Variants in TENM3 observed in about 807,000 individuals in gnomAD.
The protein encoded by TENM3 is teneurin-3.
In TENM3, 63 loss-of-function variants were observed where a neutral mutation model predicts 255.1. The observed-to-expected ratio is 0.25, with a 90% CI of 0.20 to 0.30. TENM3 has a LOEUF of 0.30. TENM3 is among the 10% of genes least tolerant of loss of function. The pLI is 1.00. For synonymous variants in TENM3, 1,306 were observed against 1,322.3 expected, an observed-to-expected ratio of 0.99 and a Z score of 0.27; for missense variants, 2,929 against 3,461.1, an observed-to-expected ratio of 0.85 and a Z score of 3.86.
the TENM3 span, among the ~76,000 whole-genome samples, chr4:182,118,321 T>C: frequency 8.5e-5 from 13 of 152,292 alleles, no homozygotes; most frequent in South Asian, 2.5e-3. Flanking sequence ...AGTACAATGA[T>C]GAAAAGCAGT....
the TENM3 span, among the ~76,000 whole-genome samples, chr4:181,805,595 T>TC: frequency 1.2e-4 from 8 of 65,454 alleles, no homozygotes; most frequent in Non-Finnish European, 3.1e-4. Context: ...GTGTGTGCAC[T>TC]TTTGTGTGTG....
At chr4:181,583,514 T>C in the TENM3 span, among the ~76,000 whole-genome samples, 1 of 152,202 alleles carries the variant, frequency 6.6e-6, no homozygotes, top group African/African-American at 2.4e-5. Context: ...ATATGGATTG[T>C]TCATTTAAAC....
the TENM3 span, among the ~76,000 whole-genome samples, chr4:181,767,125 G>A: frequency 7.5e-5 from 11 of 145,856 alleles, no homozygotes; most frequent in East Asian, 2.1e-4. Flanking sequence ...GGTGGCGGGC[G>A]CCTGTAGTCC....
intron 3 of TENM3, among the ~76,000 whole-genome samples, chr4:182,501,496 A>C (rs544701741): frequency 2.0e-5 from 3 of 152,152 alleles, no homozygotes; most frequent in East Asian, 3.9e-4. Context: ...GTTTTTTCAT[A>C]AATTTTTAAA....
At chr4:181,586,369 T>C in the TENM3 span, among the ~76,000 whole-genome samples, 3 of 152,114 alleles carry the variant, frequency 2.0e-5, no homozygotes, top group East Asian at 1.9e-4. Context: ...CTCTGTAAAA[T>C]AGGAATAATA....
chr4:181,592,662 C>CT, the TENM3 span, among the ~76,000 whole-genome samples: 5,766 of 130,010 alleles, frequency 0.044, 288 homozygotes, highest in African/African-American at 0.099. Flanking sequence ...GAAAATCTCT[C>CT]TTTTTTTTTT....
At chr4:181,692,673 G>C in the TENM3 span, among the ~76,000 whole-genome samples, 3 of 152,112 alleles carry the variant, frequency 2.0e-5, no homozygotes, top group African/African-American at 7.3e-5. Flanking sequence ...CATACTATGA[G>C]AGTAATACCA....
At chr4:182,346,110 A>ACAT in intron 2 of TENM3, among the ~76,000 whole-genome samples, 1 of 131,062 alleles carries the variant, frequency 7.6e-6, no homozygotes, top group African/African-American at 2.8e-5. Context: ...CATACATACA[A>ACAT]AATACTACGT....
At chr4:181,707,731 A>T in the TENM3 span, among the ~76,000 whole-genome samples, 5 of 152,210 alleles carry the variant, frequency 3.3e-5, no homozygotes, top group Non-Finnish European at 7.3e-5. Context: ...AATTATAGAT[A>T]CTATACTATG....
In TENM3 at chr4:182,714,190, A is replaced by C; in HGVS notation, c.2325A>C (p.Val775=). The C allele has an allele frequency of 6.2e-7, 1 of 1,613,922 alleles. No homozygotes were observed. Among genetic ancestry groups the C allele is most frequent in the Non-Finnish European group, 8.5e-7 (1 of 1,179,858 alleles). The change falls in exon 13 of 28, where the codon GTA becomes GTC. Residue 775 remains valine (V), a synonymous_variant. Transcript: ENST00000511685. ...GATGGAGAGGAGCAGGCTGTGACGT[A>C]GCCATGGAGACTCTTTGCACAGATA... The part of the protein sequence containing the change: ...QPGWRGAGCD[V]AMETLCTDSK...
chr4:181,818,850 G>A, the TENM3 span, among the ~76,000 whole-genome samples: 82 of 152,192 alleles, frequency 5.4e-4, no homozygotes, highest in African/African-American at 1.8e-3. Flanking sequence ...TGATCCACTC[G>A]CCTTGGCCTC....
At chr4:182,272,537 T>C (rs182946847) in intron 1 of TENM3, among the ~76,000 whole-genome samples, 1 of 152,224 alleles carries the variant, frequency 6.6e-6, no homozygotes, top group Non-Finnish European at 1.5e-5. Context: ...ACATAAGAAC[T>C]CACAAACTTT....
At chr4:182,606,533 A>G (rs2152423082) in intron 4 of TENM3, among the ~76,000 whole-genome samples, 1 of 151,572 alleles carries the variant, frequency 6.6e-6, no homozygotes, top group East Asian at 1.9e-4. Context: ...CAAAAAAAAA[A>G]AAAAAAAAAA....
chr4:182,058,714 A>G, the TENM3 span, among the ~76,000 whole-genome samples: 1 of 152,158 alleles, frequency 6.6e-6, no homozygotes, highest in Non-Finnish European at 1.5e-5. Flanking sequence ...TGATATTTTT[A>G]TCGAATTTAT....
intron 6 of TENM3, among the ~76,000 whole-genome samples, chr4:182,661,598 G>A (rs1184518953): frequency 6.6e-6 from 1 of 152,096 alleles, no homozygotes; most frequent in African/African-American, 2.4e-5. Context: ...ATTTCACTTA[G>A]CTTGTGATGT....
At chr4:182,421,108 T>C (rs1770802968) in intron 3 of TENM3, among the ~76,000 whole-genome samples, 1 of 152,200 alleles carries the variant, frequency 6.6e-6, no homozygotes, top group African/African-American at 2.4e-5. Context: ...AGATGTGACA[T>C]TTTAAAAATA....
chr4:182,196,484 C>A (rs1422758866), intron 1 of TENM3, among the ~76,000 whole-genome samples: 6 of 152,104 alleles, frequency 3.9e-5, no homozygotes, highest in Non-Finnish European at 5.9e-5. Context: ...TCTCAAGGGT[C>A]AAGGCAAGCA....
chr4:181,491,474 A>C, the TENM3 span, among the ~76,000 whole-genome samples: 4 of 152,070 alleles, frequency 2.6e-5, no homozygotes, highest in East Asian at 7.7e-4. Flanking sequence ...TTAGAAAAAA[A>C]TCTAAGACCA....
chr4:181,704,861 C>T, the TENM3 span, among the ~76,000 whole-genome samples: 10 of 152,064 alleles, frequency 6.6e-5, no homozygotes, highest in African/African-American at 2.2e-4. Context: ...GGTGAAACCC[C>T]GTCTCTACTA....
Sources: allele counts gnomAD v4.1 joint callset (sites outside exome capture counted in the v4.1 genomes callset), GRCh38; gene constraint gnomAD v4.1.1; transcripts MANE v1.5; gene names NCBI Gene and HGNC (gene_info 2026-07-23, HGNC 2026-07-21).